The following B4GALNT3 variants were observed in gnomAD, a reference collection of about 807,000 sequenced individuals.
B4GALNT3 encodes the protein beta-1,4-N-acetylgalactosaminyltransferase 3.
A neutral mutation model predicts 120.2 loss-of-function variants in B4GALNT3; 86 were observed. That is an observed-to-expected ratio of 0.72 (90% confidence interval 0.60 to 0.86). The LOEUF (loss-of-function observed/expected upper bound fraction) is 0.86. Among genes scored for constraint, B4GALNT3 ranks in the 40% least tolerant of loss-of-function variants. The pLI, the probability that B4GALNT3 is intolerant of heterozygous loss-of-function variation, is 0.00. For synonymous variants in B4GALNT3, 518 were observed against 510.4 expected (o/e 1.01, Z -0.20); for missense variants, 1,167 against 1,298.9 (o/e 0.90, Z 1.56).
chr12:505,109 G>C (rs759017364), intron 1 of B4GALNT3, among the ~76,000 whole-genome samples: 41 of 151,978 alleles, frequency 2.7e-4, no homozygotes, highest in Non-Finnish European at 5.0e-4. Flanking sequence ...GGCCAACATG[G>C]TCTCAATCTC....
intron 1 of B4GALNT3, among the ~76,000 whole-genome samples, chr12:503,677 A>G (rs763729359): frequency 6.6e-6 from 1 of 152,156 alleles, no homozygotes; most frequent in South Asian, 2.1e-4. Context: ...CCATACAGAT[A>G]AGCTCGTGAT....
At position 550,056 on chromosome 12, in the gene B4GALNT3, C is replaced by T. The variant is rs773585769; in HGVS notation, c.997+144C>T. Reference sequence around the variant, plus strand: ...TATCGTCCTTGTAACATAGAACATGCATACAGAAAAGAGAGCATGTAAATA... The same window carrying T: ...TATCGTCCTTGTAACATAGAACATGTATACAGAAAAGAGAGCATGTAAATA... On this transcript the variant is annotated intron_variant, in intron 10 of 19. Coordinates refer to ENST00000266383, the MANE Select transcript of B4GALNT3 (RefSeq NM_173593.4). This position sits in a 1 kb window ranked among gnomAD's most constrained non-coding sequence, Gnocchi z 4.1. 1.4e-5 allele frequency: 13 copies of T among 903,328 alleles called. No individual in the cohort carries two copies. The highest frequency in any genetic ancestry group is 5.8e-5 in the Admixed American group (2 of 34,632). The allele number at this position is 903,328 out of a possible 1,614,324, so 56.0% of individuals were successfully genotyped here.
chr12:559,069 A>T lies in B4GALNT3; in HGVS notation c.2762-226A>T, dbSNP rs115406134. Among the ~76,000 whole-genome samples the T allele has an allele frequency of 2.2e-3, 333 of 152,164 alleles. 2 individuals are homozygous for T. The highest frequency in any genetic ancestry group is 7.9e-3 in the African/African-American group (326 of 41,516). On this transcript the variant is annotated intron_variant, in intron 18 of 19. Transcript: ENST00000266383. ...TGTCCGATCCATTTGTAGGGTTGTT[A>T]TCAGCCCATGGGCACAGCCTGGTAG...
intron 7 of B4GALNT3, 145 bp downstream of exon 7, chr12:546,858 C>T: frequency 2.6e-6 from 2 of 760,598 alleles, no homozygotes; most frequent in Non-Finnish European, 4.3e-6. Context: ...GTCTTTGGCT[C>T]AGAAGCCGCG....
chr12:535,842 C>T (rs926950934), intron 2 of B4GALNT3, among the ~76,000 whole-genome samples: 1 of 152,168 alleles, frequency 6.6e-6, no homozygotes, highest in Non-Finnish European at 1.5e-5. Flanking sequence ...CAGAGCCAAA[C>T]TGAACCTGTG....
At chr12:544,795 TC>T in intron 4 of B4GALNT3, 86 bp from the exon 5 acceptor site, 1 of 1,323,266 alleles carries the variant, frequency 7.6e-7, no homozygotes, top group South Asian at 1.2e-5. Flanking sequence ...CCTGTCATAG[TC>T]CCCTCCTGGT....
chr12:552,638 C>A, intron 13 of B4GALNT3, 110 bp downstream of exon 13: 2 of 1,028,538 alleles, frequency 1.9e-6, no homozygotes, highest in Non-Finnish European at 2.9e-6. Context: ...GCTCAAGATC[C>A]AAATCACGTG....
intron 3 of B4GALNT3, among the ~76,000 whole-genome samples, chr12:543,606 A>C (rs1946948669): frequency 9.3e-6 from 1 of 107,044 alleles, no homozygotes; most frequent in South Asian, 3.4e-4. Context: ...CCTGGAGCTG[A>C]GGAGCTGGGG....
At position 548,161 on chromosome 12, in the gene B4GALNT3, G is replaced by T; in HGVS notation, c.786+59G>T. On this transcript the variant is annotated intron_variant, in intron 8 of 19. Transcript: ENST00000266383. This position sits in a 1 kb window ranked among gnomAD's most constrained non-coding sequence, Gnocchi z 4.9. ...CAGTTCCTGGCACTCATCTCCCCTT[G>T]TCCCTTGACCCCTGTTGGAAATCCA... is the stretch of plus-strand genomic sequence containing the variant. 6 of 1,606,588 alleles carry T rather than the reference G, an allele frequency of 3.7e-6. No individual in the cohort carries two copies. The highest frequency in any genetic ancestry group is 3.4e-6 in the Non-Finnish European group (4 of 1,173,266).
At chr12:540,118 G>A (rs1205239511) in intron 3 of B4GALNT3, among the ~76,000 whole-genome samples, 1 of 152,174 alleles carries the variant, frequency 6.6e-6, no homozygotes, top group Non-Finnish European at 1.5e-5. Flanking sequence ...AGGGTATAGC[G>A]GAAGCAGAGG....
In B4GALNT3 at chr12:460,463, C is replaced by T; in HGVS notation, c.87C>T (p.Leu29=). The change falls in exon 1 of 20, where the codon CTC becomes CTT. Residue 29 remains leucine, a synonymous_variant. Transcript: ENST00000266383. This position sits in a 1 kb window ranked among gnomAD's most constrained non-coding sequence, Gnocchi z 8.0. ...GGCGCTTCCGGCTGCTGCTGGCGCT[C>T]GCCGTGGTGTCTGTGGGGCTCTGGA... ...LRRRFRLLLA[L]AVVSVGLWTL... 6.3e-7 allele frequency: 1 copy of T among 1,583,916 alleles called. No individual in the cohort carries two copies. Among genetic ancestry groups the T allele is most frequent in the Non-Finnish European group, 8.6e-7 (1 of 1,167,054 alleles).
At chr12:511,431 TCTTCCA>T (rs1275117737) in intron 1 of B4GALNT3, among the ~76,000 whole-genome samples, 2 of 48,552 alleles carry the variant, frequency 4.1e-5, no homozygotes, top group Admixed American at 2.8e-4. Flanking sequence ...CCTTCCACCT[TCTTCCA>T]CCTTCCACCT....
chr12:472,674 T>G (rs1213258344), intron 1 of B4GALNT3, among the ~76,000 whole-genome samples: 1 of 152,226 alleles, frequency 6.6e-6, no homozygotes, highest in African/African-American at 2.4e-5. Flanking sequence ...CCTGACCTCA[T>G]GATCCGCTGG....
chr12:511,402 ACCTT>A (rs1263662901), intron 1 of B4GALNT3, among the ~76,000 whole-genome samples: 3 of 73,054 alleles, frequency 4.1e-5, no homozygotes, highest in African/African-American at 1.1e-4. Flanking sequence ...TCTGTCTTCC[ACCTT>A]CCTTCCACCT....
intron 7 of B4GALNT3, among the ~76,000 whole-genome samples, chr12:547,696 G>T (rs1947025209): frequency 6.6e-6 from 1 of 152,090 alleles, no homozygotes; most frequent in African/African-American, 2.4e-5. Context: ...CTACGAACAA[G>T]GATTACATGA....
intron 13 of B4GALNT3, chr12:552,830 A>G: frequency 2.0e-6 from 1 of 495,952 alleles, no homozygotes; most frequent in South Asian, 2.9e-5. Context: ...ACCATTTGGG[A>G]GGTTCTGGTT....
chr12:555,393 A>G (rs777160712), intron 14 of B4GALNT3: 38 of 456,680 alleles, frequency 8.3e-5, no homozygotes, highest in Non-Finnish European at 1.6e-4. Flanking sequence ...CACAAGTTTC[A>G]TTCGTGTTGT....
intron 17 of B4GALNT3, 73 bp from the exon 18 acceptor site, chr12:558,424 ACTCCGAGGCTT>A: frequency 5.3e-6 from 7 of 1,310,978 alleles, no homozygotes; most frequent in Non-Finnish European, 7.5e-6. Flanking sequence ...AATAGGGAAG[ACTCCGAGGCTT>A]CTCCTAGACG....
intron 1 of B4GALNT3, among the ~76,000 whole-genome samples, chr12:520,261 G>A (rs1011057565): frequency 1.3e-5 from 2 of 152,206 alleles, no homozygotes; most frequent in African/African-American, 4.8e-5. Context: ...GTTGTATAGA[G>A]CAGTTCCCTC....
Sources: gnomAD v4.1 joint callset for allele counts (sites outside exome capture counted in the v4.1 genomes callset) on GRCh38, gnomAD v4.1.1 for gene constraint, Gnocchi (gnomAD v3.1) non-coding constraint, MANE v1.5 for transcripts, NCBI Gene and HGNC (gene_info 2026-07-23, HGNC 2026-07-21) for gene names.